The following STAT2 variants were observed in gnomAD, a reference collection of about 807,000 sequenced individuals.
The protein encoded by STAT2 is signal transducer and activator of transcription 2.
In STAT2, 51 loss-of-function variants were observed where a neutral mutation model predicts 122.3. The ratio of observed to expected loss-of-function variants is 0.42; its 90% CI spans 0.33 to 0.53. STAT2 has a LOEUF of 0.53. Among genes scored for constraint, STAT2 ranks in the 20% least tolerant of loss-of-function variants. STAT2 has a pLI of 0.10. For missense variants in STAT2, 736 were observed against 1,010.3 expected, an observed-to-expected ratio of 0.73 and a Z score of 3.68; for synonymous variants, 351 against 394.9, an observed-to-expected ratio of 0.89 and a Z score of 1.32.
At position 56,355,756 on chromosome 12, in the gene STAT2, G is replaced by A. The variant is rs930690585; in HGVS notation, c.333C>T (p.Leu111=). The change falls in exon 4 of 24, where the codon CTC becomes CTT. Residue 111 remains leucine (L), a synonymous_variant. Coordinates refer to ENST00000314128, the MANE Select transcript of STAT2 (RefSeq NM_005419.4). ...PTQLAEMIFN[L]LLEEKRILIQ... ...TCAAAATTCTTTTTTCTTCCAGAAG[G>A]AGGTTAAAGATCATCTCAGCCAACT... 3 of 1,614,022 alleles carry A rather than the reference G, an allele frequency of 1.9e-6. No individual in the cohort carries two copies. Among genetic ancestry groups the A allele is most frequent in the Admixed American group, 3.3e-5 (2 of 59,998 alleles).
chr12:56,347,699 G>A (rs777286888), intron 19 of STAT2, among the ~76,000 whole-genome samples: 74 of 151,838 alleles, frequency 4.9e-4, no homozygotes, highest in Non-Finnish European at 9.4e-4. Context: ...ATGGGGTTTC[G>A]CCATGTTGGC....
intron 22 of STAT2, among the ~76,000 whole-genome samples, chr12:56,344,875 G>A (rs1424963346): frequency 6.6e-6 from 1 of 152,168 alleles, no homozygotes; most frequent in Non-Finnish European, 1.5e-5. Context: ...TGTGGTGGTT[G>A]TGCGCGCTTG....
intron 23 of STAT2, 34 bp from the exon 24 acceptor site, chr12:56,343,565 T>A (rs907224782): frequency 1.2e-6 from 2 of 1,604,704 alleles, no homozygotes; most frequent in Non-Finnish European, 1.7e-6. Context: ...GAGGCCCCGA[T>A]CTTAGTTAGG....
chr12:56,349,126 C>T, intron 16 of STAT2, 37 bp downstream of exon 16: 1 of 1,614,080 alleles, frequency 6.2e-7, no homozygotes, highest in Non-Finnish European at 8.5e-7. Context: ...CCACACCCCT[C>T]CTCTCGCGCC....
chr12:56,354,483 C>T lies in STAT2; in HGVS notation c.765G>A (p.Leu255=). 6.2e-7 allele frequency: 1 copy of T among 1,614,176 alleles called. No individual in the cohort carries two copies. The highest frequency in any genetic ancestry group is 1.7e-5 in the Admixed American group (1 of 60,022). ...ACIRAPIDHG[L]EQLETWFTAG... is the part of the protein sequence containing the mutation. ...CCTCTCACCATGTCTCCAGCTGTTC[C>T]AACCCGTGGTCAATGGGAGCTCTGA... The change falls in exon 8 of 24, where the codon TTG becomes TTA. Residue 255 remains leucine (L), a synonymous_variant. Transcript: ENST00000314128.
rs781403098 is a variant in STAT2 at position 56,346,921 on chromosome 12, G to T, written c.1759C>A (p.Arg587Ser). 8 of 1,614,130 alleles carry T rather than the reference G, an allele frequency of 5.0e-6. No individual in the cohort carries two copies. Among genetic ancestry groups the T allele is most frequent in the Non-Finnish European group, 5.9e-6 (7 of 1,180,026 alleles). ...GACATGGTCTTCTTCAGCAGCCGGCGCTCCTGGCTCCGACTCACAAAGCCC... is the reference window on the plus strand; with the variant it reads ...GACATGGTCTTCTTCAGCAGCCGGCTCTCCTGGCTCCGACTCACAAAGCCC... ...IMGFVSRSQERRLLKKTMSGT... is the reference protein window; with the variant it reads ...IMGFVSRSQESRLLKKTMSGT... The change falls in exon 20 of 24, where the codon CGC (arginine) becomes AGC (serine). Residue 587 changes from arginine to serine, a missense_variant. Coordinates refer to ENST00000314128, the MANE Select transcript of STAT2 (RefSeq NM_005419.4).
chr12:56,344,226 CAG>C, intron 22 of STAT2, 91 bp from the exon 23 acceptor site: 1 of 1,463,554 alleles, frequency 6.8e-7, no homozygotes, highest in Non-Finnish European at 9.1e-7. Context: ...TCTAAGAAGG[CAG>C]TAGGGCGGAG....
chr12:56,344,787 A>G (rs1273247055), intron 22 of STAT2, among the ~76,000 whole-genome samples: 1 of 151,968 alleles, frequency 6.6e-6, no homozygotes, highest in Non-Finnish European at 1.5e-5. Flanking sequence ...TGGGCGGATC[A>G]TGAGGTCAGG....
At chr12:56,352,641 A>T (rs1469594922) in intron 8 of STAT2, among the ~76,000 whole-genome samples, 1 of 151,352 alleles carries the variant, frequency 6.6e-6, no homozygotes, top group East Asian at 1.9e-4. Context: ...CTGGTCCTGT[A>T]CCATAAGTAC....
At position 56,343,201 on chromosome 12, in the gene STAT2, T is replaced by C; in HGVS notation, c.*188A>G. 1.4e-6 allele frequency: 1 copy of C among 707,804 alleles called. No individual in the cohort carries two copies. The highest frequency in any genetic ancestry group is 2.2e-6 in the Non-Finnish European group (1 of 449,884). 43.8% of individuals were successfully genotyped at this position (707,804 alleles called of 1,614,324 possible). A position where few individuals can be genotyped will look rare whatever the true frequency, so the allele number is the denominator to read the frequency against. On this transcript the variant is annotated 3_prime_UTR_variant, in exon 24 of 24. Coordinates refer to ENST00000314128, the MANE Select transcript of STAT2 (RefSeq NM_005419.4). Reference sequence around the variant, plus strand: ...ATGGCTCAGCATCTGTTCTGATTCATTGTTGTCCCCTCTGTACCCATGTTA... The same window carrying C: ...ATGGCTCAGCATCTGTTCTGATTCACTGTTGTCCCCTCTGTACCCATGTTA...
intron 1 of STAT2, among the ~76,000 whole-genome samples, chr12:56,358,432 G>T (rs11171813): frequency 6.6e-6 from 1 of 151,960 alleles, no homozygotes; most frequent in Admixed American, 6.6e-5. Flanking sequence ...TTTTAGTAGA[G>T]ATGGGGTTTC....
chr12:56,355,231 T>G (rs1204550486), intron 6 of STAT2, 45 bp downstream of exon 6: 6 of 1,610,482 alleles, frequency 3.7e-6, no homozygotes, highest in Non-Finnish European at 4.2e-6. Flanking sequence ...CTCCGGCTTC[T>G]CAGCAGGCAC....
Position 56,350,171 on chromosome 12 carries a change from G to C in STAT2, c.1135C>G (p.Leu379Val). The change falls in exon 13 of 24, where the codon CTG becomes GTG. Residue 379 changes from leucine (L) to valine (V), a missense_variant. By Grantham distance (32) the Leu-to-Val change is conservative. Transcript: ENST00000314128. ...QLQGFRKFNI[L>V]TSNQKTLTPE... ...GTCAAAGTTTTCTGGTTTGAAGTCA[G>C]AATGTTGAACTTCCGGAAGCTGTTC... is the stretch of plus-strand genomic sequence containing the variant. 1 of 1,612,418 alleles carries C rather than the reference G, an allele frequency of 6.2e-7. No individual in the cohort carries two copies. The highest frequency in any genetic ancestry group is 8.5e-7 in the Non-Finnish European group (1 of 1,179,574).
chr12:56,343,489 C>A lies in STAT2; in HGVS notation c.2456G>T (p.Gly819Val). 1.2e-6 allele frequency: 2 copies of A among 1,614,146 alleles called. No individual in the cohort carries two copies. Among genetic ancestry groups the A allele is most frequent in the Non-Finnish European group, 1.7e-6 (2 of 1,180,028 alleles). ...CVKIEEIMPN[G>V]DPLLAGQNTV... Reference sequence around the variant, plus strand: ...GTTCTGGCCAGCCAACAGTGGGTCACCATTCGGCATGATTTCTTCAATCTT... The same window carrying A: ...GTTCTGGCCAGCCAACAGTGGGTCAACATTCGGCATGATTTCTTCAATCTT... Residue 819 changes from glycine to valine, a missense_variant, in exon 24 of 24, where the codon GGT becomes GTT. Gly to Val is a moderately radical substitution (Grantham distance 109, BLOSUM62 -3). Transcript: ENST00000314128.
intron 8 of STAT2, among the ~76,000 whole-genome samples, chr12:56,354,038 T>TAA (rs1879098937): frequency 1.3e-5 from 1 of 79,234 alleles, no homozygotes; most frequent in African/African-American, 4.0e-5. Context: ...TATATATATA[T>TAA]ATAAAAAATA....
chr12:56,355,297 G>A lies in STAT2; in HGVS notation c.526C>T (p.Arg176Ter). Residue 176 changes from arginine (R) to a stop codon, truncating the protein, a stop_gained, in exon 6 of 24, where the codon CGA (arginine) becomes TGA (stop). Coordinates refer to ENST00000314128, the MANE Select transcript of STAT2 (RefSeq NM_005419.4). LOFTEE classifies it high-confidence loss of function. ...CTACCTTTGGCCTGGATCTTATATCGGAAGCAGAAGACATCCTGCTGGTCT... is the reference window on the plus strand; with the variant it reads ...CTACCTTTGGCCTGGATCTTATATCAGAAGCAGAAGACATCCTGCTGGTCT... ...LKDQQDVFCF[R>*]YKIQAKGKTP... is the part of the protein sequence containing the mutation. 6 of 1,614,108 alleles carry A rather than the reference G, an allele frequency of 3.7e-6. No homozygotes were observed. Among genetic ancestry groups the A allele is most frequent in the Non-Finnish European group, 5.1e-6 (6 of 1,180,030 alleles).
intron 11 of STAT2, 52 bp downstream of exon 11, chr12:56,350,777 C>T: frequency 2.5e-6 from 4 of 1,599,186 alleles, no homozygotes; most frequent in Non-Finnish European, 3.4e-6. Context: ...GTGAGTATCT[C>T]CTCCACCCCA....
Position 56,344,151 on chromosome 12 carries a change from C to A in STAT2, c.2103-16G>T. 4 of 1,544,946 alleles carry A rather than the reference C, an allele frequency of 2.6e-6. No individual in the cohort carries two copies. The highest frequency in any genetic ancestry group is 2.6e-6 in the Non-Finnish European group (3 of 1,141,134). ...ATCCACCTGTCTGGATACCCAAAGA[C>A]AGACAAAGGGGCAGGGCTCAGTGGT... On this transcript the variant is annotated splice_polypyrimidine_tract_variant and intron_variant, in intron 22 of 23. Coordinates refer to ENST00000314128, the MANE Select transcript of STAT2 (RefSeq NM_005419.4).
chr12:56,346,672 C>A, intron 20 of STAT2, 48 bp from the exon 21 acceptor site: 2 of 1,608,208 alleles, frequency 1.2e-6, no homozygotes, highest in Admixed American at 1.7e-5. Context: ...AGAGGCCGGG[C>A]CTTGGAGCTC....
Sources: gnomAD v4.1 joint callset for allele counts (sites outside exome capture counted in the v4.1 genomes callset) on GRCh38, gnomAD v4.1.1 for gene constraint, MANE v1.5 for transcripts, NCBI Gene and HGNC (gene_info 2026-07-23, HGNC 2026-07-21) for gene names.